The following TENM1 variants were observed in gnomAD, a reference collection of about 807,000 sequenced individuals.
The protein encoded by TENM1 is teneurin-1.
A neutral mutation model predicts 174.8 loss-of-function variants in TENM1; 35 were observed. The ratio of observed to expected loss-of-function variants is 0.20; its 90% confidence interval spans 0.15 to 0.27. The LOEUF (loss-of-function observed/expected upper bound fraction) is 0.27. Ranked by LOEUF, TENM1 falls within the 10% of genes least tolerant of loss-of-function variation. TENM1 has a pLI of 1.00. For missense variants in TENM1, 1,633 were observed against 2,130.1 expected (o/e 0.77, Z 4.59); for synonymous variants, 781 against 798.7 (o/e 0.98, Z 0.37).
intron 3 of TENM1, among the ~76,000 whole-genome samples, chrX:124,871,849 T>C (rs111673085): frequency 2.7e-5 from 3 of 109,684 alleles, no homozygotes; most frequent in African/African-American, 1.0e-4. Flanking sequence ...CTGGCCACCA[T>C]GGTGAAACCC....
the TENM1 span, among the ~76,000 whole-genome samples, chrX:125,045,064 G>A: frequency 2.7e-5 from 3 of 111,313 alleles, no homozygotes; most frequent in Non-Finnish European, 3.8e-5. Context: ...CAATCACAGC[G>A]GAAAGGGAAG....
intron 3 of TENM1, among the ~76,000 whole-genome samples, chrX:124,797,353 G>T (rs977980869): frequency 1.8e-5 from 2 of 111,575 alleles, no homozygotes; most frequent in African/African-American, 6.5e-5. Context: ...CCTTGGGGCT[G>T]CCCAAGATGG....
chrX:124,735,171 G>A (rs985943160), intron 4 of TENM1, among the ~76,000 whole-genome samples: 3 of 111,554 alleles, frequency 2.7e-5, no homozygotes, highest in African/African-American at 9.8e-5. Context: ...ACACAGAATG[G>A]GAGAAAATAT....
At chrX:125,155,657 C>T in the TENM1 span, among the ~76,000 whole-genome samples, 1 of 73,674 alleles carries the variant, frequency 1.4e-5, no homozygotes, top group African/African-American at 5.3e-5. Context: ...AGAAATCGAG[C>T]GCAGCACCGG....
At chrX:125,136,538 G>A in the TENM1 span, among the ~76,000 whole-genome samples, 1 of 111,493 alleles carries the variant, frequency 9.0e-6, no homozygotes, top group Non-Finnish European at 1.9e-5. Context: ...CAAAGGCAAG[G>A]TTCAAACCTA....
intron 3 of TENM1, among the ~76,000 whole-genome samples, chrX:124,771,303 G>A (rs1283844498): frequency 8.9e-6 from 1 of 112,125 alleles, no homozygotes; most frequent in African/African-American, 3.2e-5. Flanking sequence ...TTCTGTTCAT[G>A]GTAACCCATA....
chrX:124,637,176 G>A (rs934143047), intron 11 of TENM1, among the ~76,000 whole-genome samples: 15 of 107,204 alleles, frequency 1.4e-4, no homozygotes, highest in African/African-American at 3.1e-4. Context: ...TGCAACCTCC[G>A]CCTCCCGGGT....
intron 2 of TENM1, among the ~76,000 whole-genome samples, chrX:124,895,731 A>G (rs1250219180): frequency 8.9e-6 from 1 of 112,370 alleles, no homozygotes; most frequent in East Asian, 2.8e-4. Flanking sequence ...CATGCACGAT[A>G]TTATGGATTA....
chrX:125,064,170 CA>C, the TENM1 span, among the ~76,000 whole-genome samples: 1 of 75,686 alleles, frequency 1.3e-5, no homozygotes, highest in Non-Finnish European at 2.6e-5. Context: ...GGGGTGGGGG[CA>C]GGGGGGAGGG....
At chrX:124,724,519 T>A (rs1387066683) in intron 4 of TENM1, among the ~76,000 whole-genome samples, 1 of 111,995 alleles carries the variant, frequency 8.9e-6, no homozygotes, top group Non-Finnish European at 1.9e-5. Flanking sequence ...ATGTTGGCCA[T>A]GTGTGGTGGC....
chrX:124,532,728 A>C (rs2048134117), intron 15 of TENM1, among the ~76,000 whole-genome samples: 1 of 111,729 alleles, frequency 9.0e-6, no homozygotes, highest in Non-Finnish European at 1.9e-5. Context: ...GCATATGATA[A>C]AACCCCATAA....
Position 124,479,949 on chromosome X carries a change from G to A in TENM1, c.3949+1783C>T, listed in dbSNP as rs191091873. On this transcript the variant is annotated intron_variant, in intron 22 of 31. Coordinates refer to ENST00000422452, the Ensembl canonical transcript of TENM1. ...GAAAGAGCTGGCACAGAGAAATAAA[G>A]AAAAAATTTACCATAATACTTGGGG... Among the ~76,000 whole-genome samples the A allele has an allele frequency of 1.4e-3, 157 of 111,648 alleles. 2 individuals carry two copies. The highest frequency in any genetic ancestry group is 4.6e-3 in the African/African-American group (141 of 30,755).
At chrX:124,458,254 C>A (rs1230586466) in intron 22 of TENM1, among the ~76,000 whole-genome samples, 1 of 112,232 alleles carries the variant, frequency 8.9e-6, no homozygotes, top group Non-Finnish European at 1.9e-5. Flanking sequence ...CACTTAATTA[C>A]CCTCTGGGAT....
At chrX:125,181,643 AG>A in the TENM1 span, among the ~76,000 whole-genome samples, 2 of 111,756 alleles carry the variant, frequency 1.8e-5, no homozygotes, top group African/African-American at 6.5e-5. Context: ...CTTGTATCCT[AG>A]GTATCAATGT....
chrX:125,052,276 C>T, the TENM1 span, among the ~76,000 whole-genome samples: 3 of 111,225 alleles, frequency 2.7e-5, no homozygotes, highest in African/African-American at 9.8e-5. Context: ...GGACGACAGA[C>T]CAAAATCACA....
At chrX:124,589,558 G>T (rs756883268) in intron 11 of TENM1, among the ~76,000 whole-genome samples, 24 of 110,728 alleles carry the variant, frequency 2.2e-4, no homozygotes, top group Non-Finnish European at 3.8e-4. Context: ...GGCTCTTCTG[G>T]TTGCTAGAGT....
chrX:124,913,397 T>G (rs1167456963), intron 1 of TENM1, among the ~76,000 whole-genome samples: 1 of 111,655 alleles, frequency 9.0e-6, no homozygotes, highest in Non-Finnish European at 1.9e-5. Flanking sequence ...AAGCACCCCC[T>G]ACTAGTTTGA....
intron 11 of TENM1, among the ~76,000 whole-genome samples, chrX:124,616,895 G>A (rs2050410686): frequency 9.0e-6 from 1 of 111,599 alleles, no homozygotes; most frequent in African/African-American, 3.3e-5. Context: ...CCCAAGATGT[G>A]CCTATCTGAA....
At chrX:124,528,205 T>C (rs1270746507) in intron 16 of TENM1, among the ~76,000 whole-genome samples, 1 of 110,296 alleles carries the variant, frequency 9.1e-6, no homozygotes, top group Non-Finnish European at 1.9e-5. Flanking sequence ...ATAAACTCAG[T>C]TGTCACTGTG....
Sources: gnomAD v4.1 joint callset for allele counts (sites outside exome capture counted in the v4.1 genomes callset) on GRCh38, gnomAD v4.1.1 for gene constraint, MANE v1.5 for transcripts, NCBI Gene and HGNC (gene_info 2026-07-23, HGNC 2026-07-21) for gene names.